The following TIAM1 variants were observed in gnomAD, a reference collection of about 807,000 sequenced individuals.
The protein encoded by TIAM1 is TIAM Rac1 associated GEF 1, also known as rho guanine nucleotide exchange factor TIAM1.
Under a neutral mutation model 163.5 loss-of-function variants are expected in TIAM1, and 65 were observed. The ratio of observed to expected loss-of-function variants is 0.40; its 90% CI spans 0.33 to 0.49. The LOEUF (loss-of-function observed/expected upper bound fraction) is 0.49. Among genes scored for constraint, TIAM1 ranks in the 20% least tolerant of loss-of-function variants. TIAM1 has a pLI of 0.77. For synonymous variants in TIAM1, 833 were observed against 810.1 expected (o/e 1.03, Z -0.48); for missense variants, 1,789 against 2,044.7 (o/e 0.87, Z 2.41).
intron 1 of TIAM1, among the ~76,000 whole-genome samples, chr21:31,468,016 G>A (rs2045593832): frequency 6.6e-6 from 1 of 151,560 alleles, no homozygotes; most frequent in African/African-American, 2.4e-5. Flanking sequence ...AACCTGGGAG[G>A]TGGAGGTTGC....
rs528310599 is a variant in TIAM1, at chr21:31,171,578, C to A, written c.2888-6513G>T. 9.2e-5 allele frequency among the ~76,000 whole-genome samples: 14 copies of A among 152,064 alleles called. No individual in the cohort carries two copies. The South Asian group carries it at 2.9e-3, about 32-fold the overall frequency. On this transcript the variant is annotated intron_variant, in intron 15 of 27. Coordinates refer to ENST00000541036, the MANE Select transcript of TIAM1 (RefSeq NM_001353694.2). ...TATCCCCATATGTCATGTTTTCTAC[C>A]CTTAACTGAAGGTAAAAATCAATAA...
At chr21:31,170,123 A>G (rs755618261) in intron 15 of TIAM1, among the ~76,000 whole-genome samples, 7 of 152,226 alleles carry the variant, frequency 4.6e-5, no homozygotes, top group Non-Finnish European at 1.0e-4. Flanking sequence ...ATTATAGAAA[A>G]AAACAGTGCA....
chr21:31,182,323 C>T, intron 15 of TIAM1, 98 bp downstream of exon 15: 1 of 1,025,188 alleles, frequency 9.8e-7, no homozygotes, highest in Non-Finnish European at 1.4e-6. Context: ...ACCTGCCAGA[C>T]AGAGGCACTC....
intron 2 of TIAM1, among the ~76,000 whole-genome samples, chr21:31,424,450 T>C (rs1175448019): frequency 3.9e-5 from 6 of 152,222 alleles, no homozygotes; most frequent in Non-Finnish European, 8.8e-5. Context: ...CATGGAATAT[T>C]ATTCAGCCTT....
At chr21:31,319,142 C>G (rs1229005280) in intron 2 of TIAM1, among the ~76,000 whole-genome samples, 2 of 152,090 alleles carry the variant, frequency 1.3e-5, no homozygotes, top group Non-Finnish European at 2.9e-5. Context: ...GTTGCCAGGC[C>G]TTTTGTTTCT....
chr21:31,299,344 T>C (rs368618380), intron 2 of TIAM1, among the ~76,000 whole-genome samples: 51 of 152,304 alleles, frequency 3.3e-4, no homozygotes, highest in African/African-American at 1.2e-3. Flanking sequence ...CTCCCTTCCA[T>C]GACATTTCTG....
At chr21:31,296,002 T>C (rs1004072572) in intron 2 of TIAM1, among the ~76,000 whole-genome samples, 2 of 152,280 alleles carry the variant, frequency 1.3e-5, no homozygotes, top group Admixed American at 1.3e-4. Context: ...TTTCGCCATG[T>C]TGGGCAGACT....
At chr21:31,135,903 C>T in intron 23 of TIAM1, 30 bp downstream of exon 23, 1 of 1,584,484 alleles carries the variant, frequency 6.3e-7, no homozygotes, top group South Asian at 1.1e-5. Flanking sequence ...AGACTTTTCC[C>T]CCTCCATAAA....
intron 1 of TIAM1, among the ~76,000 whole-genome samples, chr21:31,517,667 A>G (rs1430651684): frequency 6.6e-6 from 1 of 152,172 alleles, no homozygotes; most frequent in African/African-American, 2.4e-5. Flanking sequence ...TGGCTTAAGG[A>G]AAGTTTTGAA....
At chr21:31,386,485 AAG>A in intron 2 of TIAM1, among the ~76,000 whole-genome samples, 1 of 152,198 alleles carries the variant, frequency 6.6e-6, no homozygotes, top group African/African-American at 2.4e-5. Flanking sequence ...AAAGGTGTCT[AAG>A]CCCAAGAGGT....
chr21:31,422,593 A>C (rs2043616579), intron 2 of TIAM1, among the ~76,000 whole-genome samples: 1 of 152,150 alleles, frequency 6.6e-6, no homozygotes. Flanking sequence ...GGGGATGTTC[A>C]TCAAACTCCC....
rs1555905192 is a variant in TIAM1 at position 31,250,168 on chromosome 21, A to AAG, written c.1411+1573_1411+1574insCT. Among the ~76,000 whole-genome samples the AAG allele has an allele frequency of 1.3e-3, 192 of 147,884 alleles. 1 individual carries two copies. The highest frequency in any genetic ancestry group is 4.9e-3 in the African/African-American group (183 of 37,658). ...CTCAAACAGAAAAAAAAAAAAAAAA[A>AAG]AAAGAAAAAGATAATGCTGTAGGAA... is the stretch of plus-strand genomic sequence containing the variant. On this transcript the variant is annotated intron_variant, in intron 5 of 27. Coordinates refer to ENST00000541036, the MANE Select transcript of TIAM1 (RefSeq NM_001353694.2).
At chr21:31,225,248 A>G (rs369349524) in intron 7 of TIAM1, among the ~76,000 whole-genome samples, 7 of 152,070 alleles carry the variant, frequency 4.6e-5, no homozygotes, top group Admixed American at 1.3e-4. Context: ...GAGTATGCCC[A>G]CCTCAGCCTC....
chr21:31,365,626 C>T (rs1038098423), intron 2 of TIAM1, among the ~76,000 whole-genome samples: 3 of 151,612 alleles, frequency 2.0e-5, no homozygotes, highest in African/African-American at 7.3e-5. Context: ...CTCCTGACCT[C>T]GTGATCCACC....
At chr21:31,424,109 T>C (rs1043827778) in intron 2 of TIAM1, among the ~76,000 whole-genome samples, 4 of 152,170 alleles carry the variant, frequency 2.6e-5, no homozygotes, top group African/African-American at 9.7e-5. Context: ...AGGAAAATGG[T>C]CTAATTGGGA....
chr21:31,252,068 C>A lies in TIAM1; in HGVS notation c.1085G>T (p.Gly362Val). 1 of 1,614,022 alleles carries A rather than the reference C, an allele frequency of 6.2e-7. No individual in the cohort carries two copies. The highest frequency in any genetic ancestry group is 8.5e-7 in the Non-Finnish European group (1 of 1,180,028). Residue 362 changes from glycine to valine, a missense_variant, in exon 5 of 28, where the codon GGC (glycine) becomes GTC (valine). Gly to Val is a moderately radical substitution (Grantham distance 109, BLOSUM62 -3). This residue lies in a region of TIAM1 where 555 missense variants were observed against 564.9 expected (regional missense o/e 0.98). Coordinates refer to ENST00000541036, the MANE Select transcript of TIAM1 (RefSeq NM_001353694.2). ...GCTGTCGCTGCCCACAAAGGCCCGG[C>A]CTGTGGTGGGTGAGTAGCTGGAGTT... ...ATNSSYSPTT[G>V]RAFVGSDSGS...
intron 10 of TIAM1, among the ~76,000 whole-genome samples, chr21:31,210,703 AAGAG>A (rs1170956325): frequency 6.2e-5 from 7 of 112,626 alleles, no homozygotes; most frequent in African/African-American, 3.8e-4. Flanking sequence ...GAAAGAAAGA[AAGAG>A]AAAGAAAGAG....
intron 2 of TIAM1, among the ~76,000 whole-genome samples, chr21:31,309,089 C>A (rs2074826693): frequency 6.6e-6 from 1 of 152,174 alleles, no homozygotes; most frequent in Non-Finnish European, 1.5e-5. Flanking sequence ...GGGGAAAAAA[C>A]TGACTAAAGA....
chr21:31,355,937 A>AC (rs2076310325), intron 2 of TIAM1, among the ~76,000 whole-genome samples: 1 of 152,140 alleles, frequency 6.6e-6, no homozygotes, highest in African/African-American at 2.4e-5. Flanking sequence ...CATAAGCCCC[A>AC]CAAGAGCAGG....
Sources: allele counts gnomAD v4.1 joint callset (sites outside exome capture counted in the v4.1 genomes callset), GRCh38; gene constraint gnomAD v4.1.1; regional missense constraint gnomAD v4.1.1; transcripts MANE v1.5; gene names NCBI Gene and HGNC (gene_info 2026-07-23, HGNC 2026-07-21).